Variants in SCARA5 observed in about 807,000 individuals in gnomAD.
SCARA5 encodes scavenger receptor class A, member 5 (putative).
In SCARA5, 45 loss-of-function variants were observed where a neutral mutation model predicts 46.3. That is an observed-to-expected ratio of 0.97 (90% CI 0.76 to 1.24). The LOEUF (loss-of-function observed/expected upper bound fraction) is 1.24, where lower values mean the gene tolerates loss of function less well. Ranked by LOEUF, SCARA5 falls within the 50% of genes most tolerant of loss-of-function variation. The pLI is 0.00. For missense variants in SCARA5, 680 were observed against 689.0 expected (o/e 0.99, Z 0.15); for synonymous variants, 333 against 306.5 (o/e 1.09, Z -0.90).
chr8:27,983,862 T>G (rs1181598417), intron 2 of SCARA5, among the ~76,000 whole-genome samples: 3 of 152,012 alleles, frequency 2.0e-5, no homozygotes, highest in African/African-American at 7.3e-5. Flanking sequence ...TTTGGGACTT[T>G]GCCTCCCCTG....
intron 3 of SCARA5, among the ~76,000 whole-genome samples, chr8:27,943,677 C>T (rs1037798937): frequency 1.3e-5 from 2 of 152,172 alleles, no homozygotes; most frequent in Non-Finnish European, 2.9e-5. Flanking sequence ...CAGAGCTGAC[C>T]AGCACACCAC....
chr8:27,881,034 G>A (rs1327616760), intron 7 of SCARA5, among the ~76,000 whole-genome samples: 1 of 152,096 alleles, frequency 6.6e-6, no homozygotes, highest in Admixed American at 6.6e-5. Context: ...TTATTAAAAA[G>A]TCAAAAAACA....
rs1011102897 is a variant in SCARA5, at chr8:27,977,064, C to T, written c.112+10440G>A. Among the ~76,000 whole-genome samples, 17 of 152,270 alleles carry T rather than the reference C, an allele frequency of 1.1e-4. No individual in the cohort carries two copies. The East Asian group carries it at 1.5e-3, about 14-fold the overall frequency. On this transcript the variant is annotated intron_variant, in intron 2 of 8. Transcript: ENST00000354914. ...GGCTGGAAGTCCAAGACCAAGGCAC[C>T]GGCAGATCAGGTGTCTACACAGCCG...
At chr8:27,875,208 TCCC>T in intron 8 of SCARA5, among the ~76,000 whole-genome samples, 1 of 72,660 alleles carries the variant, frequency 1.4e-5, no homozygotes, top group African/African-American at 4.2e-5. Flanking sequence ...CACTCCTCCC[TCCC>T]TCCCTCTCTT....
At chr8:27,913,083 G>A (rs142251207) in intron 4 of SCARA5, among the ~76,000 whole-genome samples, 25 of 152,322 alleles carry the variant, frequency 1.6e-4, no homozygotes, top group Non-Finnish European at 3.2e-4. Context: ...CAACTTCCGG[G>A]TATTCCAAGC....
Position 27,879,713 on chromosome 8 carries a change from C to G in SCARA5, c.1207G>C (p.Glu403Gln). 6.2e-7 allele frequency: 1 copy of G among 1,613,074 alleles called. No individual in the cohort carries two copies. The highest frequency in any genetic ancestry group is 8.5e-7 in the Non-Finnish European group (1 of 1,180,022). The change falls in exon 8 of 9, where the codon GAG becomes CAG. Residue 403 changes from glutamate to glutamine, a missense_variant. Transcript: ENST00000354914. ...TCGTGGTACACTTCCACGCGGCCCT[C>G]GTGCGGACCTGAGCCATTCACCAGG... ...IRLVNGSGPH[E>Q]GRVEVYHDRR...
At chr8:27,942,962 G>T (rs1016457748) in intron 3 of SCARA5, among the ~76,000 whole-genome samples, 1 of 152,176 alleles carries the variant, frequency 6.6e-6, no homozygotes, top group African/African-American at 2.4e-5. Flanking sequence ...CAAACACACT[G>T]CTTCTTCTCA....
Position 27,966,431 on chromosome 8 carries a change from C to A in SCARA5, c.224G>T (p.Gly75Val), listed in dbSNP as rs767400860. ...LYLLVFLILV[G>V]IFILAVSRPR... ...GCTCTTACCTGCTAAGATGAAGATG[C>A]CCACAAGAATCAGGAAGACCAGCAG... Residue 75 changes from glycine (G) to valine (V), a missense_variant, in exon 3 of 9, where the codon GGC becomes GTC. Coordinates refer to ENST00000354914, the MANE Select transcript of SCARA5 (RefSeq NM_173833.6). 7 of 1,610,704 alleles carry A rather than the reference C, an allele frequency of 4.3e-6. No homozygotes were observed. The South Asian group carries it at 4.4e-5, about 10-fold the overall frequency.
chr8:27,918,443 T>C (rs1807501992), intron 4 of SCARA5, among the ~76,000 whole-genome samples: 1 of 117,806 alleles, frequency 8.5e-6, no homozygotes, highest in Admixed American at 9.6e-5. Context: ...GAGGGAGACT[T>C]CAGGGAGCTA....
At chr8:27,899,428 G>A (rs114751510) in intron 7 of SCARA5, among the ~76,000 whole-genome samples, 1,608 of 152,360 alleles carry the variant, frequency 0.011, 32 homozygotes, top group African/African-American at 0.037. Flanking sequence ...CTCAGGAAAT[G>A]TTTCTGAAAA....
chr8:27,892,484 C>T (rs1806999891), intron 7 of SCARA5, among the ~76,000 whole-genome samples: 1 of 152,124 alleles, frequency 6.6e-6, no homozygotes, highest in African/African-American at 2.4e-5. Flanking sequence ...AGGCATCACA[C>T]ACTGTCATGG....
At chr8:27,882,451 G>A (rs187075478) in intron 7 of SCARA5, among the ~76,000 whole-genome samples, 50 of 152,260 alleles carry the variant, frequency 3.3e-4, no homozygotes, top group Admixed American at 1.1e-3. Flanking sequence ...TTTGAGACCC[G>A]GTGACCAGCA....
chr8:27,921,549 G>A, intron 4 of SCARA5, 22 bp downstream of exon 4: 1 of 1,525,054 alleles, frequency 6.6e-7, no homozygotes, highest in Admixed American at 1.9e-5. Context: ...CGTGGGTGGA[G>A]GCAGCAAGGG....
chr8:27,933,615 T>C (rs1807811728), intron 3 of SCARA5, among the ~76,000 whole-genome samples: 1 of 151,716 alleles, frequency 6.6e-6, no homozygotes. Context: ...AACATAAATA[T>C]AAACTTATAT....
intron 2 of SCARA5, among the ~76,000 whole-genome samples, chr8:27,970,155 C>T (rs1417645737): frequency 6.6e-6 from 1 of 152,128 alleles, no homozygotes; most frequent in Non-Finnish European, 1.5e-5. Context: ...CATGAGCGCC[C>T]ACAGAGAGGC....
chr8:27,884,814 A>G (rs1251580389), intron 7 of SCARA5, among the ~76,000 whole-genome samples: 2 of 152,176 alleles, frequency 1.3e-5, no homozygotes, highest in African/African-American at 4.8e-5. Context: ...TTCTAGGGAG[A>G]GTCTAGCAAT....
chr8:27,897,627 G>T (rs936191183), intron 7 of SCARA5, among the ~76,000 whole-genome samples: 1 of 152,228 alleles, frequency 6.6e-6, no homozygotes, highest in Non-Finnish European at 1.5e-5. Flanking sequence ...AGGGAAGGGC[G>T]GCACCGCAGG....
At chr8:27,940,749 C>T (rs1335352812) in intron 3 of SCARA5, among the ~76,000 whole-genome samples, 1 of 87,874 alleles carries the variant, frequency 1.1e-5, no homozygotes, top group East Asian at 3.6e-4. Context: ...CATCCACCCA[C>T]CCAACCATCT....
Position 27,936,592 on chromosome 8 carries a change from T to TAAAAAAAAAAAAAA in SCARA5, c.242-14361_242-14348dup, listed in dbSNP as rs71222526. ...TGAGAGAGAAAGACTGTGTCTCCAT[T>TAAAAAAAAAAAAAA]AAAAAAAAAAAAAAAAAAAGGTGGG... On this transcript the variant is annotated intron_variant, in intron 3 of 8. Transcript: ENST00000354914. Among the ~76,000 whole-genome samples the TAAAAAAAAAAAAAA allele has an allele frequency of 1.3e-3, 40 of 31,316 alleles. 14 individuals are homozygous for TAAAAAAAAAAAAAA. The highest frequency in any genetic ancestry group is 2.1e-3 in the Admixed American group (3 of 1,454). 20.5% of individuals were successfully genotyped at this position (31,316 alleles called of 152,430 possible). A position where few individuals can be genotyped will look rare whatever the true frequency, so the allele number is the denominator to read the frequency against.
Sources: gnomAD v4.1 joint callset for allele counts (sites outside exome capture counted in the v4.1 genomes callset) on GRCh38, gnomAD v4.1.1 for gene constraint, MANE v1.5 for transcripts, NCBI Gene and HGNC (gene_info 2026-07-23, HGNC 2026-07-21) for gene names.